The following SLC35D4 variants were observed in gnomAD, a reference collection of about 807,000 sequenced individuals.
SLC35D4 encodes the protein solute carrier family 35 member D4, also known as UDP-N-acetylglucosamine transporter SLC35D4.
chr18:23,343,401 C>G, the SLC35D4 span, among the ~76,000 whole-genome samples: 1 of 152,036 alleles, frequency 6.6e-6, no homozygotes, highest in Non-Finnish European at 1.5e-5. Flanking sequence ...GCCACCACAT[C>G]TGGCTAATTT....
the SLC35D4 span, among the ~76,000 whole-genome samples, chr18:23,400,345 C>A: frequency 2.6e-5 from 4 of 152,132 alleles, no homozygotes; most frequent in Admixed American, 6.6e-5. Context: ...TTTTATTGGC[C>A]GGGCATGGTG....
the SLC35D4 span, among the ~76,000 whole-genome samples, chr18:23,353,104 T>TGTGTGTGTGTGTGG: frequency 6.6e-6 from 1 of 151,548 alleles, no homozygotes; most frequent in Non-Finnish European, 1.5e-5. Flanking sequence ...TGTGTGTGTG[T>TGTGTGTGTGTGTGG]GTGTGTGTGT....
the SLC35D4 span, among the ~76,000 whole-genome samples, chr18:23,361,634 A>G: frequency 6.6e-6 from 1 of 151,792 alleles, no homozygotes; most frequent in African/African-American, 2.4e-5. Context: ...GTGTCCCAGG[A>G]CTCTCTCTGA....
the SLC35D4 span, among the ~76,000 whole-genome samples, chr18:23,373,208 G>A: frequency 2.0e-5 from 3 of 152,078 alleles, no homozygotes; most frequent in Admixed American, 6.5e-5. Flanking sequence ...CCAGCTACTC[G>A]GGAGGCTGAG....
At chr18:23,295,520 A>G in the SLC35D4 span, among the ~76,000 whole-genome samples, 1 of 152,238 alleles carries the variant, frequency 6.6e-6, no homozygotes, top group East Asian at 1.9e-4. Flanking sequence ...ATGGAAACAA[A>G]CAAGACAAAA....
the SLC35D4 span, among the ~76,000 whole-genome samples, chr18:23,389,071 C>T: frequency 6.7e-6 from 1 of 149,050 alleles, no homozygotes; most frequent in Non-Finnish European, 1.5e-5. Flanking sequence ...CTCACTGCAA[C>T]CTCCACCTCC....
the SLC35D4 span, among the ~76,000 whole-genome samples, chr18:23,414,776 C>T: frequency 2.0e-5 from 3 of 151,836 alleles, no homozygotes; most frequent in Non-Finnish European, 2.9e-5. Flanking sequence ...AGGAGTTTGA[C>T]GCCATCATGG....
At chr18:23,312,499 C>CAAGTGT in the SLC35D4 span, among the ~76,000 whole-genome samples, 1 of 152,168 alleles carries the variant, frequency 6.6e-6, no homozygotes, top group African/African-American at 2.4e-5. Context: ...ACCTAAGGAA[C>CAAGTGT]AAGTGTGCTG....
At chr18:23,320,518 C>A in the SLC35D4 span, among the ~76,000 whole-genome samples, 2 of 152,180 alleles carry the variant, frequency 1.3e-5, no homozygotes, top group South Asian at 4.1e-4. Flanking sequence ...GTTATGCTTT[C>A]CTGCCTATTT....
At chr18:23,397,919 G>A in the SLC35D4 span, among the ~76,000 whole-genome samples, 1 of 152,108 alleles carries the variant, frequency 6.6e-6, no homozygotes, top group Non-Finnish European at 1.5e-5. Context: ...TGGGTGTATT[G>A]GCAAGTACCT....
the SLC35D4 span, among the ~76,000 whole-genome samples, chr18:23,283,531 T>C: frequency 0.56 from 82,916 of 149,304 alleles, 24,003 homozygotes; most frequent in African/African-American, 0.73. Flanking sequence ...GAAAGTAGGC[T>C]AGGCACAGTG....
the SLC35D4 span, among the ~76,000 whole-genome samples, chr18:23,242,423 C>A: frequency 1.3e-5 from 2 of 152,166 alleles, no homozygotes; most frequent in Non-Finnish European, 2.9e-5. Context: ...GATGGTGTGT[C>A]TCAGGGGAGG....
chr18:23,272,738 A>C, the SLC35D4 span, among the ~76,000 whole-genome samples: 18 of 152,320 alleles, frequency 1.2e-4, no homozygotes, highest in Middle Eastern at 6.8e-3. Flanking sequence ...TGTCTTCGTT[A>C]GCATTTCTTT....
At chr18:23,391,854 G>A in the SLC35D4 span, among the ~76,000 whole-genome samples, 2 of 152,060 alleles carry the variant, frequency 1.3e-5, no homozygotes, top group African/African-American at 4.8e-5. Context: ...TAATTATGTT[G>A]TGAGATACTA....
the SLC35D4 span, among the ~76,000 whole-genome samples, chr18:23,308,289 G>C: frequency 6.6e-6 from 1 of 152,066 alleles, no homozygotes; most frequent in South Asian, 2.1e-4. Flanking sequence ...GCACAGAAAG[G>C]CTCTCCCCTC....
chr18:23,348,622 T>C, the SLC35D4 span, among the ~76,000 whole-genome samples: 1 of 152,338 alleles, frequency 6.6e-6, no homozygotes, highest in African/African-American at 2.4e-5. Flanking sequence ...TGTTATAAAG[T>C]CTATTTTGTC....
chr18:23,276,871 A>G, the SLC35D4 span, among the ~76,000 whole-genome samples: 2 of 152,128 alleles, frequency 1.3e-5, no homozygotes, highest in Non-Finnish European at 2.9e-5. Context: ...GCCACACGAC[A>G]TGCACTCTGC....
chr18:23,295,215 G>T, the SLC35D4 span, among the ~76,000 whole-genome samples: 70,647 of 150,296 alleles, frequency 0.47, 17,246 homozygotes, highest in Admixed American at 0.56. Context: ...GGCCTGTCGG[G>T]GGGTGGGGAG....
At chr18:23,379,552 G>A in the SLC35D4 span, among the ~76,000 whole-genome samples, 1 of 152,122 alleles carries the variant, frequency 6.6e-6, no homozygotes, top group Non-Finnish European at 1.5e-5. Context: ...TAACTTCCAG[G>A]GCTAATGTTT....
Sources: gnomAD v4.1 joint callset for allele counts (sites outside exome capture counted in the v4.1 genomes callset) on GRCh38, gnomAD v4.1.1 for gene constraint, MANE v1.5 for transcripts, NCBI Gene and HGNC (gene_info 2026-07-23, HGNC 2026-07-21) for gene names.